EDIL3: variants seen among roughly 807,000 people sequenced by gnomAD.
The protein encoded by EDIL3 is EGF like and discoidin domains 3.
In EDIL3, 37 loss-of-function variants were observed where a neutral mutation model predicts 67.4. The ratio of observed to expected loss-of-function variants is 0.55; its 90% CI spans 0.42 to 0.72. The LOEUF (loss-of-function observed/expected upper bound fraction) is 0.72. Ranked by LOEUF, EDIL3 falls within the 30% of genes least tolerant of loss-of-function variation. The pLI is 0.00. For synonymous variants in EDIL3, 195 were observed against 196.3 expected, an observed-to-expected ratio of 0.99 and a Z score of 0.05; for missense variants, 527 against 586.3, an observed-to-expected ratio of 0.90 and a Z score of 1.04.
At chr5:84,215,671 C>G (rs1744213982) in intron 3 of EDIL3, among the ~76,000 whole-genome samples, 1 of 152,126 alleles carries the variant, frequency 6.6e-6, no homozygotes, top group Admixed American at 6.5e-5. Context: ...GAGAATGCAC[C>G]TTCATGTGAA....
At chr5:84,325,820 G>C (rs1466252546) in intron 1 of EDIL3, among the ~76,000 whole-genome samples, 1 of 152,066 alleles carries the variant, frequency 6.6e-6, no homozygotes, top group East Asian at 1.9e-4. Flanking sequence ...AGGAAGAAAA[G>C]TCTAATGTAT....
At chr5:84,124,908 C>T (rs1368737433) in intron 5 of EDIL3, among the ~76,000 whole-genome samples, 1 of 151,876 alleles carries the variant, frequency 6.6e-6, no homozygotes, top group Non-Finnish European at 1.5e-5. Context: ...AATTGTTTTC[C>T]TTCTCAGGTA....
intron 9 of EDIL3, among the ~76,000 whole-genome samples, chr5:83,966,056 G>A (rs1744685360): frequency 6.6e-6 from 1 of 152,038 alleles, no homozygotes; most frequent in Non-Finnish European, 1.5e-5. Context: ...CCATTCCTTA[G>A]GACCTAATTC....
intron 1 of EDIL3, among the ~76,000 whole-genome samples, chr5:84,295,870 T>C (rs1746042572): frequency 2.0e-5 from 3 of 152,170 alleles, no homozygotes; most frequent in Admixed American, 6.5e-5. Context: ...ACTCAGGTTG[T>C]CAGCAATCAT....
At chr5:84,256,587 A>C (rs951887768) in intron 1 of EDIL3, among the ~76,000 whole-genome samples, 1 of 152,152 alleles carries the variant, frequency 6.6e-6, no homozygotes, top group Non-Finnish European at 1.5e-5. Flanking sequence ...ATAGAAAATG[A>C]TGAGGTCCAA....
intron 9 of EDIL3, among the ~76,000 whole-genome samples, chr5:84,014,958 G>A (rs936601337): frequency 2.6e-5 from 4 of 152,138 alleles, no homozygotes; most frequent in African/African-American, 7.2e-5. Context: ...AACAAAAGAA[G>A]GTTGGACAGA....
At chr5:84,119,407 T>C (rs554345649) in intron 5 of EDIL3, among the ~76,000 whole-genome samples, 1 of 152,026 alleles carries the variant, frequency 6.6e-6, no homozygotes, top group Non-Finnish European at 1.5e-5. Flanking sequence ...ATATTTATCA[T>C]CAGATATTTC....
chr5:84,057,803 A>G (rs1295684629), intron 9 of EDIL3, among the ~76,000 whole-genome samples: 1 of 152,142 alleles, frequency 6.6e-6, no homozygotes, highest in African/African-American at 2.4e-5. Flanking sequence ...TATTCATTCA[A>G]CAAATCTTTA....
intron 3 of EDIL3, among the ~76,000 whole-genome samples, chr5:84,210,842 C>T (rs1471972656): frequency 6.6e-6 from 1 of 152,116 alleles, no homozygotes; most frequent in African/African-American, 2.4e-5. Context: ...AATATGAGAG[C>T]TGCAAAAGTA....
At chr5:84,093,946 C>T (rs1195861744) in intron 6 of EDIL3, among the ~76,000 whole-genome samples, 3 of 152,100 alleles carry the variant, frequency 2.0e-5, no homozygotes, top group African/African-American at 7.2e-5. Context: ...GTTTGGGCCA[C>T]CATGCCCAGT....
intron 1 of EDIL3, among the ~76,000 whole-genome samples, chr5:84,378,145 G>A (rs866029799): frequency 1.3e-5 from 2 of 151,982 alleles, no homozygotes; most frequent in Non-Finnish European, 2.9e-5. Flanking sequence ...TTGACACAAC[G>A]GGAAAAGTCT....
chr5:84,066,434 G>A lies in EDIL3; in HGVS notation c.807+17C>T. 6.3e-7 allele frequency: 1 copy of A among 1,575,320 alleles called. No homozygotes were observed. The highest frequency in any genetic ancestry group is 8.6e-7 in the Non-Finnish European group (1 of 1,166,490). On this transcript the variant is annotated intron_variant, in intron 7 of 10. Transcript: ENST00000296591. ...TGACATTTTTCTTTTAAATTAAGTA[G>A]GTTAAATTATTCTTACCATGTCTTC...
intron 9 of EDIL3, among the ~76,000 whole-genome samples, chr5:84,007,298 C>T (rs148357680): frequency 6.6e-6 from 1 of 152,130 alleles, no homozygotes; most frequent in Non-Finnish European, 1.5e-5. Context: ...TAAAAAGCTT[C>T]TGTACAGCAA....
intron 4 of EDIL3, among the ~76,000 whole-genome samples, chr5:84,172,581 CA>C (rs1748830573): frequency 1.3e-5 from 2 of 149,090 alleles, no homozygotes; most frequent in Admixed American, 6.7e-5. Flanking sequence ...GACCTTGTCT[CA>C]AAAAAACAAA....
chr5:84,246,109 A>G (rs941594811), intron 2 of EDIL3, among the ~76,000 whole-genome samples: 1 of 152,200 alleles, frequency 6.6e-6, no homozygotes, highest in Admixed American at 6.5e-5. Flanking sequence ...TGCTTTGCCA[A>G]TAAAACTCTT....
intron 2 of EDIL3, among the ~76,000 whole-genome samples, chr5:84,243,900 C>T (rs979597162): frequency 1.3e-5 from 2 of 152,134 alleles, no homozygotes; most frequent in African/African-American, 4.8e-5. Flanking sequence ...TTATATGACT[C>T]ATTTAAAAAT....
intron 9 of EDIL3, among the ~76,000 whole-genome samples, chr5:83,980,099 T>A (rs560254392): frequency 2.3e-4 from 35 of 152,256 alleles, no homozygotes; most frequent in Middle Eastern, 3.4e-3. Context: ...TCTGAGCAAC[T>A]CAGCACCTAT....
At chr5:84,132,556 T>TA (rs1748010747) in intron 5 of EDIL3, among the ~76,000 whole-genome samples, 4 of 96,432 alleles carry the variant, frequency 4.1e-5, no homozygotes, top group African/African-American at 8.2e-5. Context: ...ATATATATTT[T>TA]ATATATTTTT....
At chr5:84,154,910 G>A (rs164223) in intron 4 of EDIL3, among the ~76,000 whole-genome samples, 27,983 of 151,826 alleles carry the variant, frequency 0.18, 2,656 homozygotes, top group South Asian at 0.21. Context: ...ATGTTGACCA[G>A]GCTGGTCTTG....
Sources: allele counts gnomAD v4.1 joint callset (sites outside exome capture counted in the v4.1 genomes callset), GRCh38; gene constraint gnomAD v4.1.1; transcripts MANE v1.5; gene names NCBI Gene and HGNC (gene_info 2026-07-23, HGNC 2026-07-21).